The following PCDHGB1 variants were observed in gnomAD, a reference collection of about 807,000 sequenced individuals.
PCDHGB1 encodes the protein protocadherin gamma subfamily B, 1.
Under a neutral mutation model 56.6 loss-of-function variants are expected in PCDHGB1, and 34 were observed. The ratio of observed to expected loss-of-function variants is 0.60; its 90% CI spans 0.46 to 0.80. PCDHGB1 has a LOEUF of 0.80. Among genes scored for constraint, PCDHGB1 ranks in the 30% least tolerant of loss-of-function variants. The probability of loss-of-function intolerance (pLI) is 0.00; values close to 1 mark genes in which losing one functional copy is unlikely to be tolerated. For missense variants in PCDHGB1, 1,278 were observed against 1,204.6 expected, an observed-to-expected ratio of 1.06 and a Z score of -0.90; for synonymous variants, 561 against 505.9, an observed-to-expected ratio of 1.11 and a Z score of -1.46.
At chr5:141,475,955 C>G (rs1562050812) in intron 1 of PCDHGB1, 8 of 800,218 alleles carry the variant, frequency 1.0e-5, no homozygotes, top group South Asian at 1.9e-5. Flanking sequence ...TTCTGCGCCC[C>G]GGGATGAGGC....
intron 1 of PCDHGB1, chr5:141,376,339 C>G: frequency 6.2e-7 from 1 of 1,614,192 alleles, no homozygotes; most frequent in Non-Finnish European, 8.5e-7. Flanking sequence ...TCCTGCAGAC[C>G]TATTCCCACG....
intron 1 of PCDHGB1, chr5:141,384,016 G>A: frequency 6.2e-7 from 1 of 1,613,744 alleles, no homozygotes; most frequent in Non-Finnish European, 8.5e-7. Flanking sequence ...CTACCTACAA[G>A]ACAGAGATTC....
rs377147713 is a variant in PCDHGB1, at chr5:141,351,586, C to T, written c.1326C>T (p.Asn442=). 3.7e-6 allele frequency: 6 copies of T among 1,613,936 alleles called. No individual in the cohort carries two copies. Among genetic ancestry groups the T allele is most frequent in the African/African-American group, 1.3e-5 (1 of 74,948 alleles). ...TSITLHISDI[N]DNAPVFHQAS... is the part of the protein sequence containing the mutation. ...TCACCCTGCACATCTCCGACATCAA[C>T]GACAATGCACCTGTTTTCCATCAGG... The change falls in exon 1 of 4, where the codon AAC becomes AAT. Residue 442 remains asparagine (N), a synonymous_variant. Coordinates refer to ENST00000523390, the MANE Select transcript of PCDHGB1 (RefSeq NM_018922.3).
Position 141,487,491 on chromosome 5 carries a change from C to T in PCDHGB1, c.2410-7316C>T. ...GTGGGAGGCCACTCTCATGGCTGTA[C>T]ACCCTTGGCTTCTGCACCCACTCGG... is the stretch of plus-strand genomic sequence containing the variant. On this transcript the variant is annotated intron_variant, in intron 1 of 3. Transcript: ENST00000523390. This position sits in a 1 kb window ranked among gnomAD's most constrained non-coding sequence, Gnocchi z 5.0. 6.2e-7 allele frequency: 1 copy of T among 1,614,204 alleles called. No individual in the cohort carries two copies. Among genetic ancestry groups the T allele is most frequent in the Non-Finnish European group, 8.5e-7 (1 of 1,180,034 alleles).
intron 1 of PCDHGB1, chr5:141,415,051 C>G: frequency 6.2e-7 from 1 of 1,613,458 alleles, no homozygotes; most frequent in Non-Finnish European, 8.5e-7. Context: ...GGTGGGGGAG[C>G]ACACGGGCGA....
intron 1 of PCDHGB1, chr5:141,414,969 G>A (rs764972439): frequency 7.4e-6 from 12 of 1,613,954 alleles, no homozygotes; most frequent in South Asian, 1.1e-5. Context: ...TGGTGGCGGT[G>A]GACAGAGACT....
intron 1 of PCDHGB1, chr5:141,427,595 C>A: frequency 1.5e-6 from 1 of 681,870 alleles, no homozygotes; most frequent in Non-Finnish European, 2.7e-6. Flanking sequence ...CAAGCCTCAC[C>A]CTACGCATTG....
At chr5:141,404,176 A>C (rs763166170) in intron 1 of PCDHGB1, 2 of 1,613,206 alleles carry the variant, frequency 1.2e-6, no homozygotes, top group African/African-American at 2.7e-5. Context: ...TGACGGCCCA[A>C]ATTCTTGACC....
At position 141,432,782 on chromosome 5, in the gene PCDHGB1, C is replaced by G. The variant is rs547164205; in HGVS notation, c.2410-62025C>G. On this transcript the variant is annotated intron_variant, in intron 1 of 3. Transcript: ENST00000523390. The surrounding 1 kb of genome is among the most constrained non-coding windows in gnomAD (Gnocchi z 6.0). ...CAGCATCCCCCAAGTCCTGGCGGACCTCGGCAGCCTCGAGTCTCCAGCTAA... is the reference window on the plus strand; with the variant it reads ...CAGCATCCCCCAAGTCCTGGCGGACGTCGGCAGCCTCGAGTCTCCAGCTAA... 4.3e-6 allele frequency: 7 copies of G among 1,614,046 alleles called. No individual in the cohort carries two copies. The highest frequency in any genetic ancestry group is 3.3e-4 in the Middle Eastern group (2 of 6,084).
chr5:141,384,300 A>G, intron 1 of PCDHGB1: 1 of 1,613,776 alleles, frequency 6.2e-7, no homozygotes, highest in South Asian at 1.1e-5. Context: ...ACAACCCCAG[A>G]GGGGCCTCCA....
intron 1 of PCDHGB1, chr5:141,421,294 A>G (rs779984795): frequency 1.9e-6 from 3 of 1,613,304 alleles, no homozygotes; most frequent in Non-Finnish European, 2.5e-6. Context: ...TTTCCTGGGG[A>G]CGCTGCGGGG....
chr5:141,441,861 C>T (rs3805696), intron 1 of PCDHGB1: 35,405 of 342,650 alleles, frequency 0.1, 2,215 homozygotes, highest in African/African-American at 0.17. Context: ...TGCTGCACGC[C>T]GCGGAGCCTG....
In PCDHGB1 at chr5:141,485,126, G is replaced by C; in HGVS notation, c.2410-9681G>C. ...TGCTGTGGCTGTTTGGGGCGGGTCG[G>C]CTTCATCCGCGTCTCAGGAGCAAGT... On this transcript the variant is annotated intron_variant, in intron 1 of 3. Transcript: ENST00000523390. The surrounding 1 kb of genome is among the most constrained non-coding windows in gnomAD (Gnocchi z 5.7). 1.4e-6 allele frequency: 2 copies of C among 1,432,378 alleles called. No homozygotes were observed. The highest frequency in any genetic ancestry group is 2.4e-5 in the South Asian group (2 of 81,724). 88.7% of individuals were successfully genotyped at this position (1,432,378 alleles called of 1,614,324 possible). A position where few individuals can be genotyped will look rare whatever the true frequency, so the allele number is the denominator to read the frequency against.
intron 2 of PCDHGB1, among the ~76,000 whole-genome samples, chr5:141,502,783 G>A (rs2099816035): frequency 6.6e-6 from 1 of 151,652 alleles, no homozygotes; most frequent in African/African-American, 2.4e-5. Context: ...AAAATTACCT[G>A]GATGATTTCT....
rs889456769 is a variant in PCDHGB1, at chr5:141,352,689, G to C, written c.2409+20G>C. ...TCGCACGTGAGTTTCTGCAAATCTA[G>C]TTAAATTTTATATATGGCGGCCGGG... On this transcript the variant is annotated intron_variant, in intron 1 of 3. Coordinates refer to ENST00000523390, the MANE Select transcript of PCDHGB1 (RefSeq NM_018922.3). 9 of 1,560,606 alleles carry C rather than the reference G, an allele frequency of 5.8e-6. No individual in the cohort carries two copies. Among genetic ancestry groups the C allele is most frequent in the South Asian group, 1.2e-5 (1 of 85,758 alleles).
chr5:141,413,900 AC>A, intron 1 of PCDHGB1: 1 of 1,613,126 alleles, frequency 6.2e-7, no homozygotes. Flanking sequence ...GCAAATGACA[AC>A]GCGCCGGTCT....
chr5:141,500,189 TTTATTTATTTATTTATTTA>T (rs2099797567), intron 2 of PCDHGB1, among the ~76,000 whole-genome samples: 1 of 110,894 alleles, frequency 9.0e-6, no homozygotes, highest in Non-Finnish European at 1.8e-5. Flanking sequence ...TTTATTTTTA[TTTATTTATTTATTTATTTA>T]TTTATTTATT....
chr5:141,431,904 T>A lies in PCDHGB1; in HGVS notation c.2410-62903T>A. On this transcript the variant is annotated intron_variant, in intron 1 of 3. Transcript: ENST00000523390. The surrounding 1 kb of genome is among the most constrained non-coding windows in gnomAD (Gnocchi z 4.8). ...CAAGATTCTGAGGAAAACGGACAGG[T>A]GATCTGTTTCATCCAAGGAAATCTG... is the stretch of plus-strand genomic sequence containing the variant. 1 of 1,613,846 alleles carries A rather than the reference T, an allele frequency of 6.2e-7. No individual in the cohort carries two copies. Among genetic ancestry groups the A allele is most frequent in the Non-Finnish European group, 8.5e-7 (1 of 1,179,708 alleles).
chr5:141,504,546 G>A (rs911626023), intron 2 of PCDHGB1, among the ~76,000 whole-genome samples: 5 of 151,802 alleles, frequency 3.3e-5, no homozygotes, highest in African/African-American at 1.2e-4. Flanking sequence ...CATGGCAAAT[G>A]TTGGGGGACT....
Sources: allele counts gnomAD v4.1 joint callset (sites outside exome capture counted in the v4.1 genomes callset), GRCh38; gene constraint gnomAD v4.1.1; non-coding constraint Gnocchi (gnomAD v3.1); transcripts MANE v1.5; gene names NCBI Gene and HGNC (gene_info 2026-07-23, HGNC 2026-07-21).